The following GPR142 variants were observed in gnomAD, a reference collection of about 807,000 sequenced individuals.
The protein encoded by GPR142 is G-protein coupled receptor 142 long form.
GPR142 carries 9 observed loss-of-function variants against 10.6 expected under a neutral mutation model. The observed-to-expected ratio is 0.85, with a 90% CI of 0.51 to 1.48. The LOEUF (loss-of-function observed/expected upper bound fraction) is 1.48. GPR142 is among the 40% of genes most tolerant of loss of function. GPR142 has a pLI of 0.00. For missense variants in GPR142, 482 were observed against 506.0 expected (o/e 0.95, Z 0.45); for synonymous variants, 202 against 221.2 (o/e 0.91, Z 0.77).
intron 1 of GPR142, among the ~76,000 whole-genome samples, chr17:74,369,036 C>G (rs143646021): frequency 6.6e-6 from 1 of 152,138 alleles, no homozygotes; most frequent in African/African-American, 2.4e-5. Context: ...CTACCTGGCA[C>G]GACTTCCCCA....
rs1026834478 is a variant in GPR142 at position 74,372,413 on chromosome 17, T to A, written c.938T>A (p.Met313Lys). 20 of 1,613,910 alleles carry A rather than the reference T, an allele frequency of 1.2e-5. No individual in the cohort carries two copies. Among genetic ancestry groups the A allele is most frequent in the Non-Finnish European group, 1.7e-5 (20 of 1,179,962 alleles). The change falls in exon 4 of 4, where the codon ATG becomes AAG. Residue 313 changes from methionine (M) to lysine (K), a missense_variant. Transcript: ENST00000582579. ...RVHLALDVAN[M>K]VAMLHTAANF... ...CACCTGGCCTTGGATGTGGCCAATA[T>A]GGTGGCCATGCTCCACACGGCAGCC... is the stretch of plus-strand genomic sequence containing the variant.
chr17:74,369,546 G>T lies in GPR142; in HGVS notation c.6G>T (p.Leu2=). 6.4e-7 allele frequency: 1 copy of T among 1,555,686 alleles called. No individual in the cohort carries two copies. Among genetic ancestry groups the T allele is most frequent in the Non-Finnish European group, 8.7e-7 (1 of 1,149,048 alleles). The change falls in exon 2 of 4, where the codon CTG becomes CTT. Residue 2 remains leucine (L), a synonymous_variant. Transcript: ENST00000582579. ...GGTGAGAGGTACAGCTGGCGATGCT[G>T]ACAGGGAGCTGCGGGGACCCTCAGA... M[L]TGSCGDPQKK... is the part of the protein sequence containing the mutation.
chr17:74,369,190 G>A (rs1247947593), intron 1 of GPR142, among the ~76,000 whole-genome samples: 2 of 151,672 alleles, frequency 1.3e-5, no homozygotes, highest in Admixed American at 1.3e-4. Flanking sequence ...AGAGTGCCCC[G>A]GGGCACGAGG....
intron 1 of GPR142, among the ~76,000 whole-genome samples, chr17:74,368,784 G>A (rs537088819): frequency 6.6e-6 from 1 of 152,272 alleles, no homozygotes; most frequent in South Asian, 2.1e-4. Context: ...TTGAGGGATG[G>A]TCCATTTCAC....
rs571460737 is a variant in GPR142 at position 74,371,658 on chromosome 17, C to T, written c.254-71C>T. On this transcript the variant is annotated intron_variant, in intron 3 of 3. Transcript: ENST00000582579. ...ACATGCAGATGGGGAGGTGCGATGGCGACACCTTGGAAAGCAGAGTCTGAG... is the reference window on the plus strand; with the variant it reads ...ACATGCAGATGGGGAGGTGCGATGGTGACACCTTGGAAAGCAGAGTCTGAG... The T allele has an allele frequency of 1.7e-4, 251 of 1,456,652 alleles. 1 individual carries two copies. The South Asian group carries it at 2.2e-3, about 13-fold the overall frequency. 90.2% of individuals were successfully genotyped at this position (1,456,652 alleles called of 1,614,324 possible). A position where few individuals can be genotyped will look rare whatever the true frequency, so the allele number is the denominator to read the frequency against.
intron 3 of GPR142, among the ~76,000 whole-genome samples, chr17:74,371,120 C>T (rs983615754): frequency 4.0e-5 from 6 of 148,868 alleles, no homozygotes; most frequent in Admixed American, 1.3e-4. Context: ...CACAGAAAAC[C>T]TAAAAAGGAC....
chr17:74,371,623 C>A, intron 3 of GPR142, 106 bp from the exon 4 acceptor site: 1 of 1,185,592 alleles, frequency 8.4e-7, no homozygotes, highest in Non-Finnish European at 1.2e-6. Flanking sequence ...GAAGCCAGCG[C>A]AGCCTCTGCA....
chr17:74,368,480 G>A (rs148516860), intron 1 of GPR142, among the ~76,000 whole-genome samples: 5 of 151,584 alleles, frequency 3.3e-5, no homozygotes, highest in East Asian at 3.9e-4. Flanking sequence ...AGTATCCGAG[G>A]GGGGGTTGGG....
At position 74,372,187 on chromosome 17, in the gene GPR142, T is replaced by G; in HGVS notation, c.712T>G (p.Cys238Gly). ...AHCLTVYFIP[C>G]GVFLVTNSAI... ...CTGTCTCACTGTCTATTTCATCCCT[T>G]GTGGCGTGTTCCTGGTCACCAACTC... is the stretch of plus-strand genomic sequence containing the variant. The change falls in exon 4 of 4, where the codon TGT (cysteine) becomes GGT (glycine). Residue 238 changes from cysteine (C) to glycine (G), a missense_variant. Transcript: ENST00000582579. 1 of 1,614,164 alleles carries G rather than the reference T, an allele frequency of 6.2e-7. No individual in the cohort carries two copies. Among genetic ancestry groups the G allele is most frequent in the Non-Finnish European group, 8.5e-7 (1 of 1,179,990 alleles).
At position 74,369,765 on chromosome 17, in the gene GPR142, G is replaced by A. The variant is rs544587594; in HGVS notation, c.94+131G>A. ...AGAGTGAGTGAGCAGTGAGCCCCCC[G>A]GCCTCAGCAGGAAACGAAAAGCTGG... On this transcript the variant is annotated intron_variant, in intron 2 of 3. Transcript: ENST00000582579. 81 of 922,762 alleles carry A rather than the reference G, an allele frequency of 8.8e-5. No individual in the cohort carries two copies. The South Asian group carries it at 1.3e-3, about 15-fold the overall frequency. 57.2% of individuals were successfully genotyped at this position (922,762 alleles called of 1,614,324 possible).
At position 74,372,539 on chromosome 17, in the gene GPR142, A is replaced by G. The variant is rs766706977; in HGVS notation, c.1064A>G (p.Glu355Gly). 6.2e-7 allele frequency: 1 copy of G among 1,612,542 alleles called. No homozygotes were observed. Among genetic ancestry groups the G allele is most frequent in the South Asian group, 1.1e-5 (1 of 91,086 alleles). ...YLPCTLASQP[E>G]GMAAKPVMEP... Reference sequence around the variant, plus strand: ...CCCTGCACTTTGGCATCACAGCCAGAGGGCATGGCGGCGAAGCCTGTGATG... The same window carrying G: ...CCCTGCACTTTGGCATCACAGCCAGGGGGCATGGCGGCGAAGCCTGTGATG... Residue 355 changes from glutamate (E) to glycine (G), a missense_variant, in exon 4 of 4, where the codon GAG (glutamate) becomes GGG (glycine). Transcript: ENST00000582579.
rs2055006093 is a variant in GPR142 at position 74,369,414 on chromosome 17, C to T, written c.-73-54C>T. 6 of 1,527,956 alleles carry T rather than the reference C, an allele frequency of 3.9e-6. No individual in the cohort carries two copies. The Admixed American group carries it at 9.9e-5, about 25-fold the overall frequency. 94.6% of individuals were successfully genotyped at this position (1,527,956 alleles called of 1,614,324 possible). ...TACTCTAGCTCTTTCCCCGGTGCCTCCGCCCACCAGTTCCTTCCTCCTCCT... is the reference window on the plus strand; with the variant it reads ...TACTCTAGCTCTTTCCCCGGTGCCTTCGCCCACCAGTTCCTTCCTCCTCCT... On this transcript the variant is annotated intron_variant, in intron 1 of 3. Coordinates refer to ENST00000582579, the MANE Select transcript of GPR142 (RefSeq NM_001331076.1).
rs373404826 is a variant in GPR142, at chr17:74,370,182, C to T, written c.95-339C>T. Among the ~76,000 whole-genome samples, 37 of 95,826 alleles carry T rather than the reference C, an allele frequency of 3.9e-4. No homozygotes were observed. In the South Asian group the frequency reaches 0.011, roughly 28 times the overall value. 62.9% of individuals were successfully genotyped at this position (95,826 alleles called of 152,430 possible). A position where few individuals can be genotyped will look rare whatever the true frequency, so the allele number is the denominator to read the frequency against. ...GGAGGCGGCCCAGGAGCCTGCACCT[C>T]GACAAGTGCCCCCTGTTTCAGAGCC... On this transcript the variant is annotated intron_variant, in intron 2 of 3. Coordinates refer to ENST00000582579, the MANE Select transcript of GPR142 (RefSeq NM_001331076.1).
intron 1 of GPR142, among the ~76,000 whole-genome samples, chr17:74,368,938 C>G (rs1313302075): frequency 5.3e-5 from 8 of 152,054 alleles, no homozygotes; most frequent in African/African-American, 1.7e-4. Context: ...CCACCTCCCC[C>G]ACCATGGCCA....
chr17:74,368,478 A>AG (rs528830176), intron 1 of GPR142, among the ~76,000 whole-genome samples: 4 of 140,874 alleles, frequency 2.8e-5, no homozygotes, highest in South Asian at 5.1e-4. Context: ...TGAGTATCCG[A>AG]GGGGGGGTTG....
chr17:74,367,903 T>A, intron 1 of GPR142, 109 bp downstream of exon 1: 1 of 1,080,920 alleles, frequency 9.3e-7, no homozygotes, highest in Non-Finnish European at 1.3e-6. Flanking sequence ...GTTTTCTGTG[T>A]AGCCTGTGTG....
chr17:74,371,331 A>AT lies in GPR142; in HGVS notation c.254-391dup, dbSNP rs751131119. ...ACCACCGTGCCTGGCTAATTTGTAT[A>AT]TTTTTTTAACAGAGACGGGGTTTCT... On this transcript the variant is annotated intron_variant, in intron 3 of 3. Coordinates refer to ENST00000582579, the MANE Select transcript of GPR142 (RefSeq NM_001331076.1). 7.2e-5 allele frequency among the ~76,000 whole-genome samples: 11 copies of AT among 151,918 alleles called. No homozygotes were observed. The South Asian group carries it at 8.3e-4, about 12-fold the overall frequency.
At chr17:74,370,347 G>A (rs1463601848) in intron 2 of GPR142, among the ~76,000 whole-genome samples, 174 bp from the exon 3 acceptor site, 1 of 152,136 alleles carries the variant, frequency 6.6e-6, no homozygotes, top group Non-Finnish European at 1.5e-5. Flanking sequence ...GGGTGGGGGT[G>A]AGGGTGGTCT....
Position 74,372,432 on chromosome 17 carries a change from G to C in GPR142, c.957G>C (p.Thr319=), listed in dbSNP as rs145156493. ...CCAATATGGTGGCCATGCTCCACAC[G>C]GCAGCCAACTTCGGCCTCTACTGCT... ...DVANMVAMLH[T]AANFGLYCFV... is the part of the protein sequence containing the mutation. Residue 319 remains threonine (T), a synonymous_variant, in exon 4 of 4, where the codon ACG becomes ACC. Transcript: ENST00000582579. 5.0e-6 allele frequency: 8 copies of C among 1,613,840 alleles called. No homozygotes were observed. In the Admixed American group the frequency reaches 1.3e-4, roughly 27 times the overall value.
Sources: allele counts gnomAD v4.1 joint callset (sites outside exome capture counted in the v4.1 genomes callset), GRCh38; gene constraint gnomAD v4.1.1; transcripts MANE v1.5; gene names NCBI Gene and HGNC (gene_info 2026-07-23, HGNC 2026-07-21).